PIK3C2G: variants seen among roughly 807,000 people sequenced by gnomAD.
The protein encoded by PIK3C2G is phosphatidylinositol 3-kinase C2 domain-containing subunit gamma.
PIK3C2G carries 168 observed loss-of-function variants against 181.1 expected under a neutral mutation model. The ratio of observed to expected loss-of-function variants is 0.93; its 90% CI spans 0.82 to 1.05. The LOEUF (loss-of-function observed/expected upper bound fraction) is 1.05. PIK3C2G is among the 50% of genes least tolerant of loss of function. The pLI is 0.00. For missense variants in PIK3C2G, 1,869 were observed against 1,732.8 expected, an observed-to-expected ratio of 1.08 and a Z score of -1.40; for synonymous variants, 573 against 592.2, an observed-to-expected ratio of 0.97 and a Z score of 0.47.
At chr12:18,258,597 G>A (rs372519874), upstream of PIK3C2G, among the ~76,000 whole-genome samples, 3 of 150,598 alleles carry the variant, frequency 2.0e-5, no homozygotes, top group Non-Finnish European at 3.0e-5. Context: ...CCATGTTGGC[G>A]CAAATGTCAG....
intron 18 of PIK3C2G, among the ~76,000 whole-genome samples, chr12:18,481,242 T>G (rs1397237316): frequency 6.6e-6 from 1 of 152,182 alleles, no homozygotes; most frequent in Non-Finnish European, 1.5e-5. Flanking sequence ...CTTGAATTCT[T>G]CCCTGGGTGA....
At chr12:18,363,041 T>G (rs2137807588) in intron 12 of PIK3C2G, 155 bp downstream of exon 12, 1 of 522,402 alleles carries the variant, frequency 1.9e-6, no homozygotes, top group South Asian at 3.0e-5. Flanking sequence ...AATAGATAAC[T>G]GATTGTTCAA....
intron 11 of PIK3C2G, among the ~76,000 whole-genome samples, chr12:18,347,927 A>T (rs1488548457): frequency 6.6e-6 from 1 of 152,158 alleles, no homozygotes; most frequent in Non-Finnish European, 1.5e-5. Context: ...TATGTATATA[A>T]AAAACACTAT....
chr12:18,427,102 A>G (rs918739937), intron 18 of PIK3C2G, among the ~76,000 whole-genome samples: 1 of 152,146 alleles, frequency 6.6e-6, no homozygotes, highest in Non-Finnish European at 1.5e-5. Flanking sequence ...TGTTTTTTGC[A>G]TGCATTATTA....
the PIK3C2G span, among the ~76,000 whole-genome samples, chr12:18,669,639 G>A: frequency 1.4e-4 from 21 of 151,848 alleles, no homozygotes; most frequent in Admixed American, 1.3e-3. Flanking sequence ...ATGGCAGAGA[G>A]AGGAAGCTCT....
chr12:18,619,373 A>C (rs1443997653), intron 31 of PIK3C2G, among the ~76,000 whole-genome samples: 1 of 152,078 alleles, frequency 6.6e-6, no homozygotes, highest in Non-Finnish European at 1.5e-5. Context: ...AACACAAAGA[A>C]TTTGCCCCAA....
At chr12:18,354,568 A>G (rs911042475) in intron 11 of PIK3C2G, among the ~76,000 whole-genome samples, 2 of 152,194 alleles carry the variant, frequency 1.3e-5, no homozygotes, top group African/African-American at 4.8e-5. Context: ...GTCTCAGACA[A>G]TTTGTCCTTG....
chr12:18,704,139 A>G, the PIK3C2G span, among the ~76,000 whole-genome samples: 15 of 152,288 alleles, frequency 9.8e-5, no homozygotes, highest in South Asian at 1.0e-3. Flanking sequence ...GGAGGTCGAC[A>G]GTATTGAATG....
chr12:18,573,251 A>G lies in PIK3C2G; in HGVS notation c.4011+6194A>G, dbSNP rs544200858. On this transcript the variant is annotated intron_variant, in intron 29 of 32. Transcript: ENST00000538779. ...GGACATTAGCAATCTGAGATTGCCA[A>G]AATTCAATTGCAGCAATTCAGATTA... 3.4e-4 allele frequency among the ~76,000 whole-genome samples: 52 copies of G among 152,322 alleles called. No individual in the cohort carries two copies. The South Asian group carries it at 0.011, about 31-fold the overall frequency.
intron 5 of PIK3C2G, among the ~76,000 whole-genome samples, chr12:18,306,493 C>A (rs755947340): frequency 2.0e-5 from 3 of 152,104 alleles, no homozygotes; most frequent in Non-Finnish European, 4.4e-5. Context: ...TATCACTGAC[C>A]TTTATCTATG....
chr12:18,262,196 C>A (rs1009175291), intron 1 of PIK3C2G, among the ~76,000 whole-genome samples: 8 of 152,082 alleles, frequency 5.3e-5, no homozygotes, highest in African/African-American at 1.9e-4. Context: ...CAATGTGAAC[C>A]TATTGTGTGT....
chr12:18,358,709 G>C (rs1420104073), intron 11 of PIK3C2G: 2 of 466,686 alleles, frequency 4.3e-6, no homozygotes, highest in South Asian at 3.3e-5. Context: ...ACCAAAGAAA[G>C]AGCTTCAGCC....
At chr12:18,589,866 A>G (rs1397927031) in intron 29 of PIK3C2G, among the ~76,000 whole-genome samples, 1 of 151,944 alleles carries the variant, frequency 6.6e-6, no homozygotes, top group Non-Finnish European at 1.5e-5. Context: ...TTACATTGAT[A>G]AATAGGTCAA....
chr12:18,650,293 TTCTCTC>T (rs140285960), downstream of PIK3C2G, among the ~76,000 whole-genome samples: 5,730 of 87,340 alleles, frequency 0.066, 243 homozygotes, highest in South Asian at 0.14. Flanking sequence ...TAACCCAAAT[TTCTCTC>T]TCTCTCTCTC....
intron 18 of PIK3C2G, among the ~76,000 whole-genome samples, chr12:18,443,082 T>G (rs1946836626): frequency 6.6e-6 from 1 of 152,014 alleles, no homozygotes; most frequent in African/African-American, 2.4e-5. Context: ...TTTTGGCCAG[T>G]TTGGTCTCGA....
intron 12 of PIK3C2G, among the ~76,000 whole-genome samples, chr12:18,364,701 C>A (rs1941512570): frequency 6.6e-6 from 1 of 152,016 alleles, no homozygotes; most frequent in Non-Finnish European, 1.5e-5. Flanking sequence ...AGTTTGAGAC[C>A]AGCCTGGCCA....
At chr12:18,479,417 C>A in intron 18 of PIK3C2G, among the ~76,000 whole-genome samples, 1 of 151,936 alleles carries the variant, frequency 6.6e-6, no homozygotes, top group Non-Finnish European at 1.5e-5. Context: ...GATCTGAATC[C>A]CCAGTCCACT....
chr12:18,287,706 GA>G (rs918471924), intron 3 of PIK3C2G, among the ~76,000 whole-genome samples: 16 of 145,628 alleles, frequency 1.1e-4, no homozygotes, highest in African/African-American at 1.5e-4. Flanking sequence ...AAATATAAAA[GA>G]AAAAAAAATT....
chr12:18,457,085 A>G (rs373660545), intron 18 of PIK3C2G, among the ~76,000 whole-genome samples: 1 of 152,196 alleles, frequency 6.6e-6, no homozygotes. Flanking sequence ...AAAAGGAACA[A>G]TAAGGGTAGA....
Sources: allele counts gnomAD v4.1 joint callset (sites outside exome capture counted in the v4.1 genomes callset), GRCh38; gene constraint gnomAD v4.1.1; transcripts MANE v1.5; gene names NCBI Gene and HGNC (gene_info 2026-07-23, HGNC 2026-07-21).